Variants in INPP4A observed in about 807,000 individuals in gnomAD.
INPP4A encodes inositol polyphosphate-4-phosphatase, type I, 107kD.
INPP4A carries 33 observed loss-of-function variants against 119.8 expected under a neutral mutation model. The observed-to-expected ratio is 0.28, with a 90% CI of 0.21 to 0.37. INPP4A has a LOEUF of 0.37. Ranked by LOEUF, INPP4A falls within the 10% of genes least tolerant of loss-of-function variation. The pLI is 1.00. For synonymous variants in INPP4A, 496 were observed against 500.7 expected, an observed-to-expected ratio of 0.99 and a Z score of 0.12; for missense variants, 956 against 1,289.9, an observed-to-expected ratio of 0.74 and a Z score of 3.97.
chr2:98,589,379 G>A lies in INPP4A; in HGVS notation c.*1771G>A, dbSNP rs993783141. 1.1e-5 allele frequency: 2 copies of A among 184,242 alleles called. No homozygotes were observed. Among genetic ancestry groups the A allele is most frequent in the African/African-American group, 2.4e-5 (1 of 42,510 alleles). 11.4% of individuals were successfully genotyped at this position (184,242 alleles called of 1,614,324 possible). On this transcript the variant is annotated 3_prime_UTR_variant, in exon 25 of 25. Transcript: ENST00000409851. ...ATTTAATTTGTAAATTTTTAGTTCT[G>A]TCTTTTCTCATTTTAACTTTTAAAA... is the stretch of plus-strand genomic sequence containing the variant.
chr2:98,483,431 C>A (rs1048499671), intron 1 of INPP4A, among the ~76,000 whole-genome samples: 1 of 152,084 alleles, frequency 6.6e-6, no homozygotes, highest in Non-Finnish European at 1.5e-5. Flanking sequence ...CTGCCCCAGG[C>A]GGGGCAGAGA....
chr2:98,463,116 A>G lies in INPP4A; in HGVS notation c.-166+18031A>G, dbSNP rs554522871. Among the ~76,000 whole-genome samples the G allele has an allele frequency of 1.1e-4, 17 of 152,324 alleles. No individual in the cohort carries two copies. The East Asian group carries it at 3.3e-3, about 29-fold the overall frequency. ...CTCGGCCTCCGAAAGTGCTGGGATT[A>G]CAGACGTGAGCCACCGCGCCCAGCC... is the stretch of plus-strand genomic sequence containing the variant. On this transcript the variant is annotated intron_variant, in intron 1 of 24. Transcript: ENST00000409851.
intron 1 of INPP4A, among the ~76,000 whole-genome samples, chr2:98,496,228 G>C (rs1256327493): frequency 6.6e-6 from 1 of 152,160 alleles, no homozygotes; most frequent in African/African-American, 2.4e-5. Context: ...TCCTCTCCAA[G>C]AGGAGGGGTC....
At chr2:98,578,045 C>T (rs1698716817) in intron 24 of INPP4A, among the ~76,000 whole-genome samples, 1 of 152,204 alleles carries the variant, frequency 6.6e-6, no homozygotes, top group African/African-American at 2.4e-5. Context: ...GAGCTCCTGC[C>T]TCTTGATAAG....
At chr2:98,446,898 C>T (rs1221948127) in intron 1 of INPP4A, among the ~76,000 whole-genome samples, 1 of 151,958 alleles carries the variant, frequency 6.6e-6, no homozygotes, top group African/African-American at 2.4e-5. Context: ...AAATAATACA[C>T]GAGAGCTATT....
At chr2:98,581,774 TAATA>T in intron 24 of INPP4A, 1 of 1,604,284 alleles carries the variant, frequency 6.2e-7, no homozygotes, top group Non-Finnish European at 8.5e-7. Flanking sequence ...TATGAAAAAT[TAATA>T]AGTCACAAGA....
intron 1 of INPP4A, among the ~76,000 whole-genome samples, chr2:98,505,960 A>G (rs1392043795): frequency 6.6e-6 from 1 of 152,210 alleles, no homozygotes. Context: ...CAGAAACAAT[A>G]ACAATATTTC....
intron 13 of INPP4A, among the ~76,000 whole-genome samples, chr2:98,552,043 C>G (rs766782205): frequency 5.3e-5 from 8 of 152,144 alleles, no homozygotes; most frequent in Non-Finnish European, 1.2e-4. Context: ...CATCAGATCC[C>G]TAGACACACA....
At chr2:98,579,255 T>A (rs1163615758) in intron 24 of INPP4A, among the ~76,000 whole-genome samples, 1 of 152,188 alleles carries the variant, frequency 6.6e-6, no homozygotes, top group Non-Finnish European at 1.5e-5. Flanking sequence ...TTGGCCATGT[T>A]GGCCGGGATG....
chr2:98,491,896 A>AT (rs57088045), intron 1 of INPP4A, among the ~76,000 whole-genome samples: 29 of 148,716 alleles, frequency 2.0e-4, no homozygotes, highest in Non-Finnish European at 2.5e-4. Context: ...TCACAAGTGC[A>AT]TTTTTTTTTT....
chr2:98,544,058 CA>C, intron 11 of INPP4A, 51 bp downstream of exon 11: 1 of 1,497,562 alleles, frequency 6.7e-7, no homozygotes. Context: ...CACACACACA[CA>C]CACACTCTCA....
intron 1 of INPP4A, among the ~76,000 whole-genome samples, chr2:98,509,003 C>T (rs138236015): frequency 2.0e-5 from 3 of 152,204 alleles, no homozygotes; most frequent in Non-Finnish European, 2.9e-5. Context: ...CCAGGGGTGC[C>T]GCTGCCTGGA....
At chr2:98,559,873 A>G (rs1695151358) in intron 17 of INPP4A, among the ~76,000 whole-genome samples, 1 of 152,232 alleles carries the variant, frequency 6.6e-6, no homozygotes, top group African/African-American at 2.4e-5. Flanking sequence ...AGTACCAGAA[A>G]TGTAATCTCT....
chr2:98,513,321 T>G (rs1685484689), intron 1 of INPP4A, among the ~76,000 whole-genome samples: 1 of 152,210 alleles, frequency 6.6e-6, no homozygotes, highest in Admixed American at 6.5e-5. Flanking sequence ...TTGGCCATAT[T>G]TAAGGAAGAA....
intron 11 of INPP4A, among the ~76,000 whole-genome samples, chr2:98,545,558 G>A (rs918111042): frequency 3.3e-5 from 5 of 152,102 alleles, no homozygotes; most frequent in Non-Finnish European, 7.4e-5. Context: ...TGATGATGGC[G>A]GTCTCTGGAG....
At chr2:98,534,570 G>A (rs1689861579) in intron 5 of INPP4A, among the ~76,000 whole-genome samples, 1 of 152,232 alleles carries the variant, frequency 6.6e-6, no homozygotes, top group African/African-American at 2.4e-5. Flanking sequence ...CCAAAGTTCT[G>A]TTGTGGCTAT....
At chr2:98,521,655 G>A (rs1687218949) in intron 4 of INPP4A, 2 of 152,238 alleles carry the variant, frequency 1.3e-5, no homozygotes, top group African/African-American at 4.8e-5. Context: ...CTACTGGCCG[G>A]GTACAGTAGC....
At chr2:98,464,844 G>GGACA (rs1393514582) in intron 1 of INPP4A, among the ~76,000 whole-genome samples, 1 of 152,214 alleles carries the variant, frequency 6.6e-6, no homozygotes, top group Non-Finnish European at 1.5e-5. Flanking sequence ...GAGAGTCCTT[G>GGACA]GACAACCTTG....
At chr2:98,474,022 T>G (rs970877742) in intron 1 of INPP4A, among the ~76,000 whole-genome samples, 4 of 152,234 alleles carry the variant, frequency 2.6e-5, no homozygotes, top group African/African-American at 9.6e-5. Flanking sequence ...GCCCAGCATT[T>G]TTGTGAGCCC....
Sources: gnomAD v4.1 joint callset for allele counts (sites outside exome capture counted in the v4.1 genomes callset) on GRCh38, gnomAD v4.1.1 for gene constraint, MANE v1.5 for transcripts, NCBI Gene and HGNC (gene_info 2026-07-23, HGNC 2026-07-21) for gene names.